The following SDK1 variants were observed in gnomAD, a reference collection of about 807,000 sequenced individuals.
The protein encoded by SDK1 is protein sidekick-1.
SDK1 carries 157 observed loss-of-function variants against 245.5 expected under a neutral mutation model. That is an observed-to-expected ratio of 0.64 (90% CI 0.56 to 0.73). The LOEUF (loss-of-function observed/expected upper bound fraction) is 0.73, where lower values mean the gene tolerates loss of function less well. Among genes scored for constraint, SDK1 ranks in the 30% least tolerant of loss-of-function variants. SDK1 has a pLI of 0.00. For missense variants in SDK1, 3,583 were observed against 3,002.3 expected (o/e 1.19, Z -4.52); for synonymous variants, 1,647 against 1,278.5 (o/e 1.29, Z -6.15).
chr7:4,060,833 G>A (rs1056350110), intron 19 of SDK1, among the ~76,000 whole-genome samples: 32 of 152,010 alleles, frequency 2.1e-4, no homozygotes, highest in African/African-American at 7.7e-4. Context: ...GTGTAAGGAG[G>A]GGATCCAGTT....
At chr7:3,596,593 C>G (rs183589377) in intron 1 of SDK1, among the ~76,000 whole-genome samples, 2 of 152,210 alleles carry the variant, frequency 1.3e-5, no homozygotes, top group African/African-American at 2.4e-5. Flanking sequence ...TGCAAGTTCC[C>G]TCAGGCCCTT....
chr7:4,260,945 G>A (rs1169909239), intron 44 of SDK1, among the ~76,000 whole-genome samples: 1 of 152,212 alleles, frequency 6.6e-6, no homozygotes, highest in African/African-American at 2.4e-5. Context: ...CCTAAATGCA[G>A]AGGAGCCACA....
intron 1 of SDK1, among the ~76,000 whole-genome samples, chr7:3,542,357 C>T (rs540669900): frequency 1.3e-5 from 2 of 152,328 alleles, no homozygotes; most frequent in African/African-American, 4.8e-5. Context: ...AGGGTCCTTT[C>T]AGCCTGTGCC....
chr7:3,626,820 C>T (rs1026690935), intron 2 of SDK1, among the ~76,000 whole-genome samples: 2 of 152,106 alleles, frequency 1.3e-5, no homozygotes, highest in African/African-American at 4.8e-5. Context: ...TAGGAAATCT[C>T]CCCCACTGAG....
At chr7:3,422,024 C>A (rs189431533) in intron 1 of SDK1, among the ~76,000 whole-genome samples, 86 of 152,044 alleles carry the variant, frequency 5.7e-4, no homozygotes, top group Admixed American at 4.7e-3. Flanking sequence ...AATAGCAGAC[C>A]GGATGGTTCT....
rs114637031 is a variant in SDK1, at chr7:3,879,889, T to C, written c.847+58306T>C. 4.7e-3 allele frequency among the ~76,000 whole-genome samples: 718 copies of C among 152,282 alleles called. 6 individuals carry two copies. Among genetic ancestry groups the C allele is most frequent in the African/African-American group, 0.016 (669 of 41,574 alleles). On this transcript the variant is annotated intron_variant, in intron 5 of 44. Transcript: ENST00000404826. ...AAGCTGATGCATGGAGCTGATACCATATCTGTCTGTGGCAGGCGGCGTATG... is the reference window on the plus strand; with the variant it reads ...AAGCTGATGCATGGAGCTGATACCACATCTGTCTGTGGCAGGCGGCGTATG...
chr7:3,754,838 A>C (rs1445446322), intron 4 of SDK1, among the ~76,000 whole-genome samples: 1 of 152,218 alleles, frequency 6.6e-6, no homozygotes, highest in Non-Finnish European at 1.5e-5. Flanking sequence ...GAATACAAGA[A>C]GTTCAAAAGT....
chr7:4,010,717 A>G (rs1195242420), intron 14 of SDK1, among the ~76,000 whole-genome samples: 2 of 152,178 alleles, frequency 1.3e-5, no homozygotes, highest in African/African-American at 4.8e-5. Context: ...CGCCGTATGC[A>G]GGTTGCACAA....
intron 1 of SDK1, among the ~76,000 whole-genome samples, chr7:3,557,601 G>C (rs893021673): frequency 7.2e-5 from 11 of 152,232 alleles, no homozygotes; most frequent in Admixed American, 5.9e-4. Context: ...ATCTGAGTAA[G>C]ATAATTGGAT....
intron 1 of SDK1, among the ~76,000 whole-genome samples, chr7:3,322,824 A>G (rs996522503): frequency 5.3e-5 from 8 of 151,870 alleles, no homozygotes; most frequent in African/African-American, 1.5e-4. Context: ...TCCCCCACCC[A>G]TAAGACCTTG....
intron 4 of SDK1, among the ~76,000 whole-genome samples, chr7:3,701,097 C>G (rs564881568): frequency 1.3e-5 from 2 of 152,156 alleles, no homozygotes; most frequent in Non-Finnish European, 2.9e-5. Flanking sequence ...TTAAAAAAAA[C>G]TCAGAATAAG....
chr7:3,603,307 C>T (rs1418043655), intron 1 of SDK1, among the ~76,000 whole-genome samples: 15 of 148,462 alleles, frequency 1.0e-4, no homozygotes, highest in Non-Finnish European at 1.9e-4. Context: ...ATTCTTCCTA[C>T]CCATGAGCAT....
At chr7:4,213,117 G>A (rs606764) in intron 38 of SDK1, among the ~76,000 whole-genome samples, 141,420 of 152,148 alleles carry the variant, frequency 0.93, 65,864 homozygotes, top group East Asian at 1. Flanking sequence ...CGTTTCTACT[G>A]AAAATACAAA....
chr7:4,157,103 C>G (rs1339233278), intron 30 of SDK1, among the ~76,000 whole-genome samples: 1 of 152,138 alleles, frequency 6.6e-6, no homozygotes, highest in East Asian at 1.9e-4. Flanking sequence ...CAGCCAGTGA[C>G]TGGGTTGCAG....
At chr7:4,100,575 C>G (rs924952509) in intron 22 of SDK1, among the ~76,000 whole-genome samples, 1 of 152,122 alleles carries the variant, frequency 6.6e-6, no homozygotes, top group Non-Finnish European at 1.5e-5. Flanking sequence ...CGATGAGTGC[C>G]CCTCTCCTTC....
At chr7:3,406,386 G>A (rs1285204686) in intron 1 of SDK1, among the ~76,000 whole-genome samples, 1 of 152,058 alleles carries the variant, frequency 6.6e-6, no homozygotes, top group Non-Finnish European at 1.5e-5. Context: ...TTCTTTCTGT[G>A]GAGTTACTCG....
rs115672367 is a variant in SDK1 at position 3,446,479 on chromosome 7, G to A, written c.298+144595G>A. 5.9e-3 allele frequency among the ~76,000 whole-genome samples: 896 copies of A among 152,172 alleles called. 6 individuals are homozygous for A. Among genetic ancestry groups the A allele is most frequent in the African/African-American group, 0.02 (826 of 41,536 alleles). Reference sequence around the variant, plus strand: ...AGCAAAAATTACAATTTTTCTGCCAGTCCTTTCTTTGACTTTGAGTAGAAT... The same window carrying A: ...AGCAAAAATTACAATTTTTCTGCCAATCCTTTCTTTGACTTTGAGTAGAAT... On this transcript the variant is annotated intron_variant, in intron 1 of 44. Coordinates refer to ENST00000404826, the MANE Select transcript of SDK1 (RefSeq NM_152744.4).
At chr7:3,481,812 C>G (rs967251318) in intron 1 of SDK1, among the ~76,000 whole-genome samples, 1 of 152,176 alleles carries the variant, frequency 6.6e-6, no homozygotes, top group African/African-American at 2.4e-5. Context: ...CTAAACTGTC[C>G]TACCTTTTGT....
intron 5 of SDK1, among the ~76,000 whole-genome samples, chr7:3,847,039 C>A (rs1486371808): frequency 1.3e-5 from 2 of 152,092 alleles, no homozygotes; most frequent in African/African-American, 4.8e-5. Flanking sequence ...ACAGCTGCCG[C>A]TTAGTGTAAT....
Sources: allele counts gnomAD v4.1 joint callset (sites outside exome capture counted in the v4.1 genomes callset), GRCh38; gene constraint gnomAD v4.1.1; transcripts MANE v1.5; gene names NCBI Gene and HGNC (gene_info 2026-07-23, HGNC 2026-07-21).